Variants in RGS6 observed in about 807,000 individuals in gnomAD.
The protein encoded by RGS6 is regulator of G-protein signaling 6.
A neutral mutation model predicts 78.5 loss-of-function variants in RGS6; 30 were observed. That is an observed-to-expected ratio of 0.38 (90% CI 0.29 to 0.52). The LOEUF (loss-of-function observed/expected upper bound fraction) is 0.52, where lower values mean the gene tolerates loss of function less well. RGS6 is among the 20% of genes least tolerant of loss of function. RGS6 has a pLI of 0.85. For synonymous variants in RGS6, 206 were observed against 206.0 expected (o/e 1.00, Z 0.00); for missense variants, 495 against 609.7 (o/e 0.81, Z 1.98).
At chr14:72,513,289 AC>A (rs1259120780) in intron 14 of RGS6, among the ~76,000 whole-genome samples, 3 of 152,088 alleles carry the variant, frequency 2.0e-5, no homozygotes, top group Admixed American at 2.0e-4. Flanking sequence ...CCAAAGTGTC[AC>A]CCTGGATCCT....
intron 6 of RGS6, among the ~76,000 whole-genome samples, chr14:72,462,420 C>A (rs2238181): frequency 6.6e-6 from 1 of 152,016 alleles, no homozygotes; most frequent in Non-Finnish European, 1.5e-5. Context: ...CACACTTTCC[C>A]AAGTTTTTTC....
intron 3 of RGS6, among the ~76,000 whole-genome samples, chr14:72,412,844 G>T (rs1027953976): frequency 1.3e-5 from 2 of 152,160 alleles, no homozygotes; most frequent in African/African-American, 4.8e-5. Context: ...TCATTCAGGA[G>T]CAGGTTGTTC....
chr14:72,429,605 A>AT (rs138005527), intron 3 of RGS6, among the ~76,000 whole-genome samples: 2,170 of 152,292 alleles, frequency 0.014, 57 homozygotes, highest in African/African-American at 0.05. Flanking sequence ...TTAAATCTGC[A>AT]TTTTTAGAGA....
chr14:72,449,184 C>T (rs958422351), intron 3 of RGS6, among the ~76,000 whole-genome samples: 4 of 152,080 alleles, frequency 2.6e-5, no homozygotes, highest in Admixed American at 2.6e-4. Context: ...ATGGCAGGAA[C>T]CATCTGATCA....
chr14:72,371,227 C>T (rs1257577168), intron 3 of RGS6, among the ~76,000 whole-genome samples: 1 of 152,174 alleles, frequency 6.6e-6, no homozygotes, highest in Non-Finnish European at 1.5e-5. Flanking sequence ...ATCCTGTCAA[C>T]TTATAACTGT....
At chr14:71,892,097 GTC>G in the RGS6 span, among the ~76,000 whole-genome samples, 2 of 152,138 alleles carry the variant, frequency 1.3e-5, no homozygotes, top group African/African-American at 2.4e-5. Flanking sequence ...TCAGTGAAGA[GTC>G]TCTGTGTTTT....
chr14:72,259,779 C>T (rs2057773395), intron 2 of RGS6, among the ~76,000 whole-genome samples: 1 of 151,888 alleles, frequency 6.6e-6, no homozygotes, highest in African/African-American at 2.4e-5. Context: ...GGCGCGGTGG[C>T]AGGCGCCTGT....
intron 1 of RGS6, among the ~76,000 whole-genome samples, chr14:71,937,866 C>T (rs551401917): frequency 6.6e-6 from 1 of 152,366 alleles, no homozygotes; most frequent in South Asian, 2.1e-4. Flanking sequence ...CACCAGGTAG[C>T]TGGCTGATCA....
chr14:71,882,330 C>G, the RGS6 span, among the ~76,000 whole-genome samples: 1 of 152,092 alleles, frequency 6.6e-6, no homozygotes, highest in Non-Finnish European at 1.5e-5. Context: ...ATGTGTATAT[C>G]GCATTTGGTT....
At chr14:72,620,391 G>A in the RGS6 span, among the ~76,000 whole-genome samples, 1 of 152,108 alleles carries the variant, frequency 6.6e-6, no homozygotes, top group African/African-American at 2.4e-5. Context: ...AATTCTTCTG[G>A]ACTCCACTCT....
At chr14:72,472,256 A>C (rs955055395) in intron 8 of RGS6, among the ~76,000 whole-genome samples, 8 of 151,928 alleles carry the variant, frequency 5.3e-5, no homozygotes, top group African/African-American at 7.3e-5. Context: ...TGTCACCTGC[A>C]ATTTCCCTCT....
chr14:72,299,645 G>A (rs7151115), intron 2 of RGS6, among the ~76,000 whole-genome samples: 7,485 of 152,266 alleles, frequency 0.049, 548 homozygotes, highest in African/African-American at 0.17. Flanking sequence ...AACACTTGGT[G>A]TCATCTATCT....
intron 2 of RGS6, among the ~76,000 whole-genome samples, chr14:72,260,930 A>G (rs1443924797): frequency 2.6e-5 from 4 of 152,232 alleles, no homozygotes; most frequent in Non-Finnish European, 5.9e-5. Flanking sequence ...AAGCAACATC[A>G]GGAAAGGTAG....
chr14:72,418,823 A>G (rs772720536), intron 3 of RGS6, among the ~76,000 whole-genome samples: 6 of 152,268 alleles, frequency 3.9e-5, no homozygotes, highest in South Asian at 2.1e-4. Flanking sequence ...AATTACAGCC[A>G]TAGCACCATA....
At chr14:71,876,236 AC>A in the RGS6 span, among the ~76,000 whole-genome samples, 2,248 of 152,088 alleles carry the variant, frequency 0.015, 28 homozygotes, top group Non-Finnish European at 0.018. Flanking sequence ...TCTAATGTTG[AC>A]AGTGGGGTGT....
At chr14:72,097,617 C>G (rs1002337238) in intron 2 of RGS6, among the ~76,000 whole-genome samples, 1 of 152,154 alleles carries the variant, frequency 6.6e-6, no homozygotes, top group African/African-American at 2.4e-5. Context: ...CTGTAAACTA[C>G]TAGTTTTCAC....
intron 1 of RGS6, among the ~76,000 whole-genome samples, chr14:71,956,351 G>GTA (rs2092787705): frequency 1.5e-5 from 1 of 65,740 alleles, no homozygotes; most frequent in African/African-American, 6.8e-5. Flanking sequence ...GTGTGTGTGT[G>GTA]TGTGTGTATA....
At chr14:72,426,044 CA>C (rs200977248) in intron 3 of RGS6, among the ~76,000 whole-genome samples, 9 of 152,026 alleles carry the variant, frequency 5.9e-5, no homozygotes, top group East Asian at 1.9e-4. Flanking sequence ...ACTCTTTTAA[CA>C]AAAAAATTCT....
At chr14:72,181,978 A>C (rs556698658) in intron 2 of RGS6, among the ~76,000 whole-genome samples, 41 of 152,362 alleles carry the variant, frequency 2.7e-4, no homozygotes, top group Non-Finnish European at 4.1e-4. Context: ...AAGGAACATT[A>C]CTTAGATTTG....
Sources: allele counts gnomAD v4.1 joint callset (sites outside exome capture counted in the v4.1 genomes callset), GRCh38; gene constraint gnomAD v4.1.1; transcripts MANE v1.5; gene names NCBI Gene and HGNC (gene_info 2026-07-23, HGNC 2026-07-21).